The following POU1F1 variants were observed in gnomAD, a reference collection of about 807,000 sequenced individuals.
POU1F1 encodes POU class 1 homeobox 1.
A neutral mutation model predicts 32.3 loss-of-function variants in POU1F1; 23 were observed. The ratio of observed to expected loss-of-function variants is 0.71; its 90% CI spans 0.51 to 1.01. POU1F1 has a LOEUF of 1.01. Among genes scored for constraint, POU1F1 ranks in the 50% least tolerant of loss-of-function variants. POU1F1 has a pLI of 0.00. For synonymous variants in POU1F1, 120 were observed against 115.6 expected, an observed-to-expected ratio of 1.04 and a Z score of -0.25; for missense variants, 323 against 341.6, an observed-to-expected ratio of 0.95 and a Z score of 0.43.
chr3:87,264,332 A>G lies in POU1F1; in HGVS notation c.395T>C (p.Leu132Pro). 6 of 1,613,916 alleles carry G rather than the reference A, an allele frequency of 3.7e-6. No homozygotes were observed. Among genetic ancestry groups the G allele is most frequent in the Non-Finnish European group, 5.1e-6 (6 of 1,179,870 alleles). Residue 132 changes from leucine to proline, a missense_variant, in exon 3 of 6, where the codon CTT becomes CCT. Coordinates refer to ENST00000350375, the MANE Select transcript of POU1F1 (RefSeq NM_000306.4). Reference sequence around the variant, plus strand: ...TTTAAATTCATTGGCAAACTTTTCAAGTTCTCTGATTTCTGGAGAATCCAT... The same window carrying G: ...TTTAAATTCATTGGCAAACTTTTCAGGTTCTCTGATTTCTGGAGAATCCAT... ...IDMDSPEIRE[L>P]EKFANEFKVR...
Position 87,261,288 on chromosome 3 carries a change from C to T in POU1F1, c.650G>A (p.Arg217Gln), listed in dbSNP as rs374853152. ...TAAAGAATACCTTATAGTTGTTCTT[C>T]GTTTTCTTTTCCTTTCATTTGCTCC... ...KVGANERKRKRRTTISIAAKD... is the reference protein window; with the variant it reads ...KVGANERKRKQRTTISIAAKD... The change falls in exon 5 of 6, where the codon CGA (arginine) becomes CAA (glutamine). Residue 217 changes from arginine to glutamine, a missense_variant. By Grantham distance (43) the Arg-to-Gln change is conservative. Coordinates refer to ENST00000350375, the MANE Select transcript of POU1F1 (RefSeq NM_000306.4). 41 of 1,585,020 alleles carry T rather than the reference C, an allele frequency of 2.6e-5. No individual in the cohort carries two copies. Among genetic ancestry groups the T allele is most frequent in the Non-Finnish European group, 3.3e-5 (38 of 1,159,578 alleles).
chr3:87,260,865 ATTTTTTTTTTAT>A (rs1436536126), intron 5 of POU1F1, among the ~76,000 whole-genome samples: 75 of 45,392 alleles, frequency 1.7e-3, no homozygotes, highest in African/African-American at 5.6e-3. Context: ...CATTATTATT[ATTTTTTTTTTAT>A]TTATTTATTT....
chr3:87,265,750 G>A (rs903882595), intron 2 of POU1F1, among the ~76,000 whole-genome samples: 1 of 151,848 alleles, frequency 6.6e-6, no homozygotes, highest in African/African-American at 2.4e-5. Flanking sequence ...GATATTATAA[G>A]TAATCTGGAG....
At chr3:87,275,512 T>C (rs1041416764) in intron 1 of POU1F1, among the ~76,000 whole-genome samples, 3 of 152,090 alleles carry the variant, frequency 2.0e-5, no homozygotes, top group Non-Finnish European at 4.4e-5. Flanking sequence ...ATATTGCTAT[T>C]CAATGGAAGA....
Position 87,259,813 on chromosome 3 carries a change from T to C in POU1F1, c.*81A>G. ...GCTATTGATATAAAATGATTTTAAG[T>C]CAACCAAGTAATTTCTGTTTTTGTT... On this transcript the variant is annotated 3_prime_UTR_variant, in exon 6 of 6. Transcript: ENST00000350375. The C allele has an allele frequency of 9.1e-6, 11 of 1,214,484 alleles. No homozygotes were observed. The highest frequency in any genetic ancestry group is 1.3e-5 in the Non-Finnish European group (11 of 836,748). The allele number at this position is 1,214,484 out of a possible 1,614,324, so 75.2% of individuals were successfully genotyped here. A position where few individuals can be genotyped will look rare whatever the true frequency, so the allele number is the denominator to read the frequency against.
At chr3:87,273,989 A>G (rs1706777609) in intron 1 of POU1F1, among the ~76,000 whole-genome samples, 2 of 152,194 alleles carry the variant, frequency 1.3e-5, no homozygotes, top group African/African-American at 4.8e-5. Context: ...ATTAGATACA[A>G]TCATAAAAAT....
At chr3:87,275,758 T>C (rs549805625) in intron 1 of POU1F1, among the ~76,000 whole-genome samples, 1 of 152,258 alleles carries the variant, frequency 6.6e-6, no homozygotes, top group East Asian at 1.9e-4. Flanking sequence ...GTTAATGGGC[T>C]TTAAATGTCA....
Position 87,260,144 on chromosome 3 carries a change from T to C in POU1F1, c.666-40A>G, listed in dbSNP as rs752820296. 3 of 1,548,396 alleles carry C rather than the reference T, an allele frequency of 1.9e-6. No individual in the cohort carries two copies. The Admixed American group carries it at 5.5e-5, about 28-fold the overall frequency. On this transcript the variant is annotated intron_variant, in intron 5 of 5. Coordinates refer to ENST00000350375, the MANE Select transcript of POU1F1 (RefSeq NM_000306.4). Reference sequence around the variant, plus strand: ...ACATAGGGGGTGAAATTTTGTTGTTTTTAGTGAAGTTTTTGGCAGCTCAAA... The same window carrying C: ...ACATAGGGGGTGAAATTTTGTTGTTCTTAGTGAAGTTTTTGGCAGCTCAAA...
intron 1 of POU1F1, among the ~76,000 whole-genome samples, chr3:87,274,188 A>G (rs1484229887): frequency 6.6e-6 from 1 of 152,126 alleles, no homozygotes; most frequent in Non-Finnish European, 1.5e-5. Flanking sequence ...AAAGCCGTAC[A>G]TAAACATAAC....
At chr3:87,275,684 A>G (rs1706813168) in intron 1 of POU1F1, among the ~76,000 whole-genome samples, 1 of 152,118 alleles carries the variant, frequency 6.6e-6, no homozygotes, top group African/African-American at 2.4e-5. Context: ...TATGTGAGAT[A>G]AATGTTAAAA....
intron 2 of POU1F1, among the ~76,000 whole-genome samples, chr3:87,266,907 ACTT>A (rs1348370020): frequency 6.6e-6 from 1 of 152,062 alleles, no homozygotes; most frequent in Admixed American, 6.6e-5. Flanking sequence ...TAAAACCTTC[ACTT>A]CTTTGATTAT....
At chr3:87,271,956 A>G (rs922324372) in intron 2 of POU1F1, among the ~76,000 whole-genome samples, 4 of 152,090 alleles carry the variant, frequency 2.6e-5, no homozygotes, top group Non-Finnish European at 5.9e-5. Flanking sequence ...TAAAGTTTTA[A>G]TGTTCTATTT....
In POU1F1 at chr3:87,259,679, G is replaced by C; in HGVS notation, c.*215C>G. On this transcript the variant is annotated 3_prime_UTR_variant, in exon 6 of 6. Transcript: ENST00000350375. ...CTGTTAATATATTTGGCTTAAAATA[G>C]ATAATGTGGCTTCTGAGAATAATTA... The C allele has an allele frequency of 1.8e-6, 1 of 546,642 alleles. No individual in the cohort carries two copies. 33.9% of individuals were successfully genotyped at this position (546,642 alleles called of 1,614,324 possible). A position where few individuals can be genotyped will look rare whatever the true frequency, so the allele number is the denominator to read the frequency against.
In POU1F1 at chr3:87,259,765, G is replaced by T; in HGVS notation, c.*129C>A. 2 of 743,058 alleles carry T rather than the reference G, an allele frequency of 2.7e-6. No individual in the cohort carries two copies. Among genetic ancestry groups the T allele is most frequent in the Non-Finnish European group, 4.4e-6 (2 of 454,544 alleles). The allele number at this position is 743,058 out of a possible 1,614,324, so 46.0% of individuals were successfully genotyped here. ...TGGTTTCTTTTTTTTAAAAAAAAGT[G>T]GAAAAGTAAAGCTTCTGTAAAAGCT... On this transcript the variant is annotated 3_prime_UTR_variant, in exon 6 of 6. Transcript: ENST00000350375.
intron 2 of POU1F1, among the ~76,000 whole-genome samples, chr3:87,269,029 C>G (rs1264992582): frequency 6.6e-6 from 1 of 152,078 alleles, no homozygotes; most frequent in East Asian, 1.9e-4. Flanking sequence ...AAAAAACAAA[C>G]AGGGGAAGCA....
At chr3:87,273,607 T>C (rs1706767492) in intron 1 of POU1F1, 189 bp from the exon 2 acceptor site, 1 of 1,113,218 alleles carries the variant, frequency 9.0e-7, no homozygotes, top group African/African-American at 1.6e-5. Flanking sequence ...TTTGGGTAAG[T>C]TCTCTGACGA....
At chr3:87,271,177 G>A (rs947332752) in intron 2 of POU1F1, among the ~76,000 whole-genome samples, 3 of 152,090 alleles carry the variant, frequency 2.0e-5, no homozygotes, top group South Asian at 2.1e-4. Flanking sequence ...ATTGAAATGA[G>A]GAAGAGGTTC....
intron 1 of POU1F1, among the ~76,000 whole-genome samples, chr3:87,274,341 T>G (rs142390199): frequency 6.6e-4 from 100 of 152,174 alleles, no homozygotes; most frequent in African/African-American, 2.3e-3. Flanking sequence ...CAATATTTCC[T>G]TATATATTTT....
chr3:87,269,754 A>G (rs1706692005), intron 2 of POU1F1, among the ~76,000 whole-genome samples: 1 of 152,028 alleles, frequency 6.6e-6, no homozygotes. Flanking sequence ...TTAAGTCCCA[A>G]GAGTTTGGGA....
Sources: gnomAD v4.1 joint callset for allele counts (sites outside exome capture counted in the v4.1 genomes callset) on GRCh38, gnomAD v4.1.1 for gene constraint, MANE v1.5 for transcripts, NCBI Gene and HGNC (gene_info 2026-07-23, HGNC 2026-07-21) for gene names.